The following PRKD1 variants were observed in gnomAD, a reference collection of about 807,000 sequenced individuals.
PRKD1 encodes serine/threonine-protein kinase D1.
In PRKD1, 63 loss-of-function variants were observed where a neutral mutation model predicts 95.9. That is an observed-to-expected ratio of 0.66 (90% CI 0.54 to 0.81). The LOEUF (loss-of-function observed/expected upper bound fraction) is 0.81. Ranked by LOEUF, PRKD1 falls within the 30% of genes least tolerant of loss-of-function variation. The probability of loss-of-function intolerance (pLI) is 0.00; values close to 1 mark genes in which losing one functional copy is unlikely to be tolerated. For synonymous variants in PRKD1, 425 were observed against 423.1 expected, an observed-to-expected ratio of 1.00 and a Z score of -0.05; for missense variants, 1,048 against 1,165.3, an observed-to-expected ratio of 0.90 and a Z score of 1.47.
intron 1 of PRKD1, among the ~76,000 whole-genome samples, chr14:29,885,409 T>C (rs1297888210): frequency 1.3e-5 from 2 of 152,074 alleles, no homozygotes; most frequent in Non-Finnish European, 2.9e-5. Context: ...GTCCTACTTA[T>C]CCAGAAAATA....
At chr14:29,698,168 A>G (rs1225089060) in intron 2 of PRKD1, among the ~76,000 whole-genome samples, 1 of 152,174 alleles carries the variant, frequency 6.6e-6, no homozygotes, top group African/African-American at 2.4e-5. Context: ...TTTTGGAAAA[A>G]CTGAAAAATG....
chr14:29,868,984 G>A lies in PRKD1; in HGVS notation c.264+58265C>T, dbSNP rs45570132. On this transcript the variant is annotated intron_variant, in intron 1 of 17. Coordinates refer to ENST00000331968, the MANE Select transcript of PRKD1 (RefSeq NM_002742.3). ...GCAAAAAAAGAACTCAAAAGTCACTGAGGAATGTTCTCTGAAGTTATTAGC... is the reference window on the plus strand; with the variant it reads ...GCAAAAAAAGAACTCAAAAGTCACTAAGGAATGTTCTCTGAAGTTATTAGC... 2.6e-3 allele frequency among the ~76,000 whole-genome samples: 390 copies of A among 152,242 alleles called. 1 individual carries two copies. The highest frequency in any genetic ancestry group is 8.9e-3 in the African/African-American group (371 of 41,542).
In PRKD1 at chr14:29,580,462, A is replaced by ATG. The variant is rs140296435; in HGVS notation, c.2435-2104_2435-2103dup. Among the ~76,000 whole-genome samples the ATG allele has an allele frequency of 2.4e-3, 361 of 151,712 alleles. 4 individuals are homozygous for ATG. The highest frequency in any genetic ancestry group is 7.2e-3 in the African/African-American group (298 of 41,350). ...AGGAGAAACGTGTATGTATAAATAA[A>ATG]TGTGTGTGTGTGTGTATACATACAT... On this transcript the variant is annotated intron_variant, in intron 16 of 17. Transcript: ENST00000331968.
Position 29,670,699 on chromosome 14 carries a change from A to G in PRKD1, c.404-4491T>C, listed in dbSNP as rs45582135. Reference sequence around the variant, plus strand: ...TTGCACATGTCCATTCTCCCTCCCCATCACCCAATACACATATACCTAACC... The same window carrying G: ...TTGCACATGTCCATTCTCCCTCCCCGTCACCCAATACACATATACCTAACC... On this transcript the variant is annotated intron_variant, in intron 2 of 17. Transcript: ENST00000331968. Among the ~76,000 whole-genome samples the G allele has an allele frequency of 4.8e-3, 732 of 152,026 alleles. 9 individuals are homozygous for G. Among genetic ancestry groups the G allele is most frequent in the African/African-American group, 0.016 (669 of 41,484 alleles).
intron 16 of PRKD1, among the ~76,000 whole-genome samples, chr14:29,587,230 T>C (rs1892966615): frequency 6.6e-6 from 1 of 152,198 alleles, no homozygotes; most frequent in Admixed American, 6.5e-5. Context: ...TGAAATTGTG[T>C]ATTTTCCATT....
chr14:29,798,723 T>G (rs1161784024), intron 1 of PRKD1, among the ~76,000 whole-genome samples: 1 of 152,212 alleles, frequency 6.6e-6, no homozygotes, highest in East Asian at 1.9e-4. Flanking sequence ...TTCTAATTTA[T>G]GAAATGGCTG....
At chr14:29,881,986 C>A (rs112663759) in intron 1 of PRKD1, among the ~76,000 whole-genome samples, 298 of 152,212 alleles carry the variant, frequency 2.0e-3, no homozygotes, top group African/African-American at 6.7e-3. Context: ...GCATAATTTT[C>A]TATTTCTGTG....
At chr14:29,847,039 T>C (rs1477517888) in intron 1 of PRKD1, among the ~76,000 whole-genome samples, 3 of 152,134 alleles carry the variant, frequency 2.0e-5, no homozygotes, top group East Asian at 1.9e-4. Context: ...ATTGGCCCAG[T>C]TTGGATCAGG....
chr14:29,713,194 A>G (rs1201799513), intron 2 of PRKD1, among the ~76,000 whole-genome samples: 2 of 152,186 alleles, frequency 1.3e-5, no homozygotes, highest in Non-Finnish European at 2.9e-5. Flanking sequence ...GCATAGGAAG[A>G]AATCAAAGGG....
chr14:29,580,474 G>A (rs1038212869), intron 16 of PRKD1, among the ~76,000 whole-genome samples: 13 of 152,210 alleles, frequency 8.5e-5, no homozygotes, highest in African/African-American at 2.9e-4. Context: ...GTGTGTGTGT[G>A]TGTATACATA....
chr14:29,853,081 G>A (rs745351790), intron 1 of PRKD1, among the ~76,000 whole-genome samples: 12 of 152,104 alleles, frequency 7.9e-5, no homozygotes, highest in Non-Finnish European at 1.8e-4. Context: ...AAGAGCAGAA[G>A]TAGCTATATT....
chr14:29,598,458 C>T (rs138455962), intron 15 of PRKD1, among the ~76,000 whole-genome samples: 3 of 151,992 alleles, frequency 2.0e-5, no homozygotes, highest in African/African-American at 7.2e-5. Flanking sequence ...AAGTGATGAC[C>T]TTCACTCAAG....
chr14:29,625,100 C>T (rs1470957666), intron 12 of PRKD1, among the ~76,000 whole-genome samples: 1 of 152,158 alleles, frequency 6.6e-6, no homozygotes, highest in Admixed American at 6.6e-5. Flanking sequence ...ACTTGTAAAG[C>T]TAGTGTTCAC....
rs573157170 is a variant in PRKD1, at chr14:29,588,021, A to T, written c.2434+9470T>A. Among the ~76,000 whole-genome samples, 88 of 152,258 alleles carry T rather than the reference A, an allele frequency of 5.8e-4. No homozygotes were observed. In the South Asian group the frequency reaches 0.014, roughly 24 times the overall value. ...TCTCCTCCATGCCGTTATGTCTGAC[A>T]GTGTGTTAATATGTTGACAAATCAA... On this transcript the variant is annotated intron_variant, in intron 16 of 17. Coordinates refer to ENST00000331968, the MANE Select transcript of PRKD1 (RefSeq NM_002742.3).
At chr14:29,594,748 C>A (rs1893241701) in intron 16 of PRKD1, among the ~76,000 whole-genome samples, 1 of 152,092 alleles carries the variant, frequency 6.6e-6, no homozygotes, top group African/African-American at 2.4e-5. Context: ...CCACCCTGTG[C>A]CAGATACGAT....
intron 1 of PRKD1, among the ~76,000 whole-genome samples, chr14:29,814,968 C>A (rs1184054630): frequency 6.6e-6 from 1 of 152,132 alleles, no homozygotes; most frequent in Admixed American, 6.5e-5. Context: ...TGACAGAATG[C>A]ACGTATTAAC....
chr14:29,684,069 C>A (rs1278356462), intron 2 of PRKD1, among the ~76,000 whole-genome samples: 1 of 152,150 alleles, frequency 6.6e-6, no homozygotes, highest in African/African-American at 2.4e-5. Flanking sequence ...AAAACCAGCC[C>A]TGAGAGTCTA....
In PRKD1 at chr14:29,722,891, G is replaced by C. The variant is rs564980992; in HGVS notation, c.403+2645C>G. 2.0e-5 allele frequency among the ~76,000 whole-genome samples: 3 copies of C among 152,192 alleles called. No individual in the cohort carries two copies. In the East Asian group the frequency reaches 5.8e-4, roughly 29 times the overall value. On this transcript the variant is annotated intron_variant, in intron 2 of 17. Coordinates refer to ENST00000331968, the MANE Select transcript of PRKD1 (RefSeq NM_002742.3). ...ATGCTATGTGGAGAAAAAAGAAATA[G>C]AAAAATATGGTCAAAAATGGTAGGG...
intron 1 of PRKD1, among the ~76,000 whole-genome samples, chr14:29,901,632 T>C (rs1894321568): frequency 6.6e-6 from 1 of 152,200 alleles, no homozygotes; most frequent in Non-Finnish European, 1.5e-5. Flanking sequence ...AATCTAAATT[T>C]ATACTTTAAT....
Sources: gnomAD v4.1 joint callset for allele counts (sites outside exome capture counted in the v4.1 genomes callset) on GRCh38, gnomAD v4.1.1 for gene constraint, MANE v1.5 for transcripts, NCBI Gene and HGNC (gene_info 2026-07-23, HGNC 2026-07-21) for gene names.